The following GALC variants were observed in gnomAD, a reference collection of about 807,000 sequenced individuals.
GALC encodes galactosylceramidase.
A neutral mutation model predicts 91.8 loss-of-function variants in GALC; 77 were observed. That is an observed-to-expected ratio of 0.84 (90% CI 0.70 to 1.01). The LOEUF (loss-of-function observed/expected upper bound fraction) is 1.01. GALC is among the 50% of genes least tolerant of loss of function. The probability of loss-of-function intolerance (pLI) is 0.00; values close to 1 mark genes in which losing one functional copy is unlikely to be tolerated. For synonymous variants in GALC, 357 were observed against 306.7 expected, an observed-to-expected ratio of 1.16 and a Z score of -1.71; for missense variants, 882 against 855.9, an observed-to-expected ratio of 1.03 and a Z score of -0.38.
intron 16 of GALC, among the ~76,000 whole-genome samples, 154 bp downstream of exon 16, chr14:87,939,751 A>G (rs922702786): frequency 7.2e-5 from 11 of 151,902 alleles, no homozygotes; most frequent in Non-Finnish European, 1.6e-4. Context: ...ACATGTAACT[A>G]TCCTAGGGAT....
Position 87,986,613 on chromosome 14 carries a change from G to C in GALC, c.329-11C>G. ...AGGGCTCAGTGCCGTCTGAATAGAG[G>C]AGAGCAAAAACGGAAGTAATGATCC... On this transcript the variant is annotated splice_polypyrimidine_tract_variant and intron_variant, in intron 3 of 16. Coordinates refer to ENST00000261304, the MANE Select transcript of GALC (RefSeq NM_000153.4). 1 of 1,560,816 alleles carries C rather than the reference G, an allele frequency of 6.4e-7. No homozygotes were observed. Among genetic ancestry groups the C allele is most frequent in the East Asian group, 2.2e-5 (1 of 44,588 alleles).
Position 87,934,865 on chromosome 14 carries a change from G to T in GALC, c.1925C>A (p.Ser642Tyr), listed in dbSNP as rs755100827. ...LTLTIKGHFT[S>Y]GMLNDKSLWT... ...CAGAGACTTGTCATTCAGCATGCCA[G>T]AGGTGAAATGACCCTAGAGTAGAAA... The change falls in exon 17 of 17, where the codon TCT (serine) becomes TAT (tyrosine). Residue 642 changes from serine (S) to tyrosine (Y), a missense_variant. Transcript: ENST00000261304. 1 of 1,609,290 alleles carries T rather than the reference G, an allele frequency of 6.2e-7. No homozygotes were observed. Among genetic ancestry groups the T allele is most frequent in the Non-Finnish European group, 8.5e-7 (1 of 1,175,930 alleles).
rs200516260 is a variant in GALC, at chr14:87,963,503, T to C, written c.1042A>G (p.Thr348Ala). The C allele has an allele frequency of 6.2e-7, 1 of 1,611,954 alleles. No homozygotes were observed. ...TACCAGCCAGGTTGAGTAAACTGAGTGGTATGAGCTATAGAAAAACAGAAA... is the reference window on the plus strand; with the variant it reads ...TACCAGCCAGGTTGAGTAAACTGAGCGGTATGAGCTATAGAAAAACAGAAA... ...ESPVWVSAHT[T>A]QFTQPGWYYL... The change falls in exon 10 of 17, where the codon ACT (threonine) becomes GCT (alanine). Residue 348 changes from threonine (T) to alanine (A), a missense_variant. Transcript: ENST00000261304.
intron 14 of GALC, 152 bp from the exon 15 acceptor site, chr14:87,941,710 A>G: frequency 3.0e-6 from 2 of 659,544 alleles, no homozygotes; most frequent in Non-Finnish European, 5.4e-6. Context: ...ATGGGCTTCA[A>G]GAATCTTTAT....
At chr14:87,980,728 T>C (rs902086898) in intron 6 of GALC, 1 of 152,652 alleles carries the variant, frequency 6.6e-6, no homozygotes, top group South Asian at 2.1e-4. Flanking sequence ...ATTTTAATTG[T>C]CTATATCTGA....
chr14:87,937,920 T>A (rs1884655548), intron 16 of GALC, among the ~76,000 whole-genome samples: 1 of 116,358 alleles, frequency 8.6e-6, no homozygotes, highest in African/African-American at 2.7e-5. Context: ...GGGAAACACA[T>A]TATTGTTAAA....
intron 13 of GALC, among the ~76,000 whole-genome samples, chr14:87,946,208 A>G (rs752038972): frequency 2.0e-5 from 3 of 152,100 alleles, no homozygotes; most frequent in Non-Finnish European, 4.4e-5. Flanking sequence ...GTTCCAAATC[A>G]TGCGTCACAA....
intron 16 of GALC, among the ~76,000 whole-genome samples, chr14:87,937,446 G>A (rs1884626979): frequency 6.6e-6 from 1 of 151,896 alleles, no homozygotes; most frequent in African/African-American, 2.4e-5. Flanking sequence ...CAAAAGCTGA[G>A]ATTCAAGAGG....
chr14:87,989,078 CAATACTG>C (rs1271719380), intron 1 of GALC, among the ~76,000 whole-genome samples: 6 of 152,110 alleles, frequency 3.9e-5, no homozygotes, highest in African/African-American at 1.4e-4. Flanking sequence ...GCGCAGGGAC[CAATACTG>C]GATCATGCCT....
chr14:87,974,479 C>T (rs1886414321), intron 7 of GALC, among the ~76,000 whole-genome samples: 2 of 152,102 alleles, frequency 1.3e-5, no homozygotes, highest in African/African-American at 4.8e-5. Context: ...GAAGCTTCCA[C>T]ACAGCAAAAA....
At chr14:87,965,417 A>G in intron 9 of GALC, 88 bp downstream of exon 9, 1 of 1,385,590 alleles carries the variant, frequency 7.2e-7, no homozygotes, top group South Asian at 1.2e-5. Context: ...ACGCATAGAC[A>G]CACAGTTTAT....
chr14:87,953,014 T>C (rs2301123), intron 10 of GALC: 96,112 of 1,118,394 alleles, frequency 0.086, 5,059 homozygotes, highest in African/African-American at 0.21. Flanking sequence ...TGTGCAGCTA[T>C]GTTGGATTTG....
intron 9 of GALC, 142 bp from the exon 10 acceptor site, chr14:87,963,653 A>G: frequency 2.9e-6 from 2 of 679,732 alleles, no homozygotes; most frequent in South Asian, 3.6e-5. Flanking sequence ...ATATCCGTCA[A>G]CCTCATGTTT....
rs1884450545 is a variant in GALC, at chr14:87,933,576, C to T, written c.*1156G>A. The T allele has an allele frequency of 6.1e-6, 1 of 162,774 alleles. No individual in the cohort carries two copies. The highest frequency in any genetic ancestry group is 6.4e-5 in the Admixed American group (1 of 15,554). The allele number at this position is 162,774 out of a possible 1,614,324, so 10.1% of individuals were successfully genotyped here. ...TGTCTTCAAAAGCAATGCAAAACTT[C>T]ACTGTAGCTAAGCCTATGTTAGACT... On this transcript the variant is annotated 3_prime_UTR_variant, in exon 17 of 17. Transcript: ENST00000261304.
At chr14:87,976,562 G>A in intron 6 of GALC, 74 bp from the exon 7 acceptor site, 1 of 1,189,842 alleles carries the variant, frequency 8.4e-7, no homozygotes, top group Non-Finnish European at 1.2e-6. Context: ...GACCAAGATA[G>A]ATAAAGTTAT....
intron 7 of GALC, among the ~76,000 whole-genome samples, chr14:87,975,992 T>G (rs1244695092): frequency 2.6e-5 from 4 of 152,204 alleles, no homozygotes; most frequent in African/African-American, 9.6e-5. Context: ...AAAGTGTTCA[T>G]GCAAGAACTT....
Position 87,933,773 on chromosome 14 carries a change from T to C in GALC, c.*959A>G. 2.0e-6 allele frequency: 1 copy of C among 507,304 alleles called. No individual in the cohort carries two copies. Among genetic ancestry groups the C allele is most frequent in the Admixed American group, 3.4e-5 (1 of 29,248 alleles). The allele number at this position is 507,304 out of a possible 1,614,324, so 31.4% of individuals were successfully genotyped here. The stretch of plus-strand genomic sequence containing the variant: ...ACGTATATTTAAATATAAACATATT[T>C]GGACTTTAAAAAGTAAGTACATCTT... On this transcript the variant is annotated 3_prime_UTR_variant, in exon 17 of 17. Coordinates refer to ENST00000261304, the MANE Select transcript of GALC (RefSeq NM_000153.4).
In GALC at chr14:87,954,587, TTTCAAAAAAGTGCACC is replaced by T. The variant is rs1335221778; in HGVS notation, c.1162-3855_1162-3840del. Reference sequence around the variant, plus strand: ...AAGGGCAATTACATTTAAAGCAAAATTTCAAAAAAGTGCACCTTCCTTTTGGAAGATATCAGACTTA... The same window carrying T: ...AAGGGCAATTACATTTAAAGCAAAATTTCCTTTTGGAAGATATCAGACTTA... On this transcript the variant is annotated intron_variant, in intron 10 of 16. Transcript: ENST00000261304. The T allele has an allele frequency of 1.9e-6, 3 of 1,580,868 alleles. No individual in the cohort carries two copies. The East Asian group carries it at 6.8e-5, about 36-fold the overall frequency.
rs188183555 is a variant in GALC at position 87,952,036 on chromosome 14, C to T, written c.1162-1288G>A. On this transcript the variant is annotated intron_variant, in intron 10 of 16. Coordinates refer to ENST00000261304, the MANE Select transcript of GALC (RefSeq NM_000153.4). ...AAAGAACTTATGTAACCAAATACCA[C>T]TTGTTCCCCAAAAAACTGTGGAAAT... is the stretch of plus-strand genomic sequence containing the variant. Among the ~76,000 whole-genome samples, 5 of 151,722 alleles carry T rather than the reference C, an allele frequency of 3.3e-5. No homozygotes were observed. In the East Asian group the frequency reaches 7.8e-4, roughly 24 times the overall value.
Sources: allele counts gnomAD v4.1 joint callset (sites outside exome capture counted in the v4.1 genomes callset), GRCh38; gene constraint gnomAD v4.1.1; transcripts MANE v1.5; gene names NCBI Gene and HGNC (gene_info 2026-07-23, HGNC 2026-07-21).